The following LRRC4C variants were observed in gnomAD, a reference collection of about 807,000 sequenced individuals.
LRRC4C encodes the protein leucine rich repeat containing 4C, also known as leucine-rich repeat-containing protein 4C.
LRRC4C carries 5 observed loss-of-function variants against 33.6 expected under a neutral mutation model. The ratio of observed to expected loss-of-function variants is 0.15; its 90% confidence interval spans 0.08 to 0.31. The LOEUF (loss-of-function observed/expected upper bound fraction) is 0.31, where lower values mean the gene tolerates loss of function less well. Ranked by LOEUF, LRRC4C falls within the 10% of genes least tolerant of loss-of-function variation. The pLI is 1.00. For missense variants in LRRC4C, 560 were observed against 796.7 expected (o/e 0.70, Z 3.58); for synonymous variants, 329 against 302.0 (o/e 1.09, Z -0.93).
intron 1 of LRRC4C, among the ~76,000 whole-genome samples, chr11:41,216,882 A>G (rs1291067754): frequency 6.6e-6 from 1 of 152,248 alleles, no homozygotes; most frequent in Non-Finnish European, 1.5e-5. Context: ...ATACCTATCT[A>G]TGTTTTTAAT....
At chr11:40,729,449 T>C (rs1947453090) in intron 2 of LRRC4C, among the ~76,000 whole-genome samples, 1 of 152,166 alleles carries the variant, frequency 6.6e-6, no homozygotes, top group South Asian at 2.1e-4. Flanking sequence ...TTTTGACTCC[T>C]TTTCTGGCCT....
chr11:40,463,391 T>C (rs1277496982), intron 3 of LRRC4C, among the ~76,000 whole-genome samples: 1 of 151,582 alleles, frequency 6.6e-6, no homozygotes, highest in Non-Finnish European at 1.5e-5. Context: ...AGCACATGGA[T>C]CTTAGGAAAA....
At chr11:41,264,245 C>T (rs539959112) in intron 1 of LRRC4C, among the ~76,000 whole-genome samples, 2 of 152,124 alleles carry the variant, frequency 1.3e-5, no homozygotes, top group Admixed American at 6.6e-5. Flanking sequence ...GTGCACACCA[C>T]CACGTCCAGC....
intron 1 of LRRC4C, among the ~76,000 whole-genome samples, chr11:41,085,928 CA>C (rs10717008): frequency 0.38 from 30,860 of 81,004 alleles, 2,574 homozygotes; most frequent in Non-Finnish European, 0.4. Context: ...TTTAAGACAC[CA>C]AAAAAAAAAA....
At chr11:41,271,326 T>C (rs1215704668) in intron 1 of LRRC4C, among the ~76,000 whole-genome samples, 2 of 152,130 alleles carry the variant, frequency 1.3e-5, no homozygotes. Flanking sequence ...CCACAAGTCC[T>C]GTCCTGTGGG....
At chr11:40,261,260 G>T (rs113761970) in intron 4 of LRRC4C, among the ~76,000 whole-genome samples, 2 of 152,048 alleles carry the variant, frequency 1.3e-5, no homozygotes, top group Non-Finnish European at 2.9e-5. Flanking sequence ...AACAAAAGTC[G>T]TTGATTTGAA....
chr11:41,211,983 C>G (rs949548646), intron 1 of LRRC4C, among the ~76,000 whole-genome samples: 3 of 152,196 alleles, frequency 2.0e-5, no homozygotes, highest in Admixed American at 6.5e-5. Context: ...CACATCCTCT[C>G]CAGCACCTGT....
chr11:40,491,710 A>G (rs1954166326), intron 3 of LRRC4C, among the ~76,000 whole-genome samples: 1 of 152,164 alleles, frequency 6.6e-6, no homozygotes, highest in African/African-American at 2.4e-5. Context: ...GTTCTGCTAG[A>G]ACGTGCTTCC....
At chr11:41,049,869 T>C (rs189722955) in intron 1 of LRRC4C, among the ~76,000 whole-genome samples, 382 of 152,322 alleles carry the variant, frequency 2.5e-3, no homozygotes, top group African/African-American at 7.9e-3. Flanking sequence ...AGAGACTTTG[T>C]CTTGCTAGTC....
intron 1 of LRRC4C, among the ~76,000 whole-genome samples, chr11:41,408,388 A>G (rs7103813): frequency 0.078 from 11,859 of 152,174 alleles, 1,517 homozygotes; most frequent in African/African-American, 0.27. Context: ...TCATCCATTG[A>G]TTCACTTGTC....
chr11:40,980,648 G>A (rs1246435753), intron 1 of LRRC4C, among the ~76,000 whole-genome samples: 1 of 152,170 alleles, frequency 6.6e-6, no homozygotes, highest in Non-Finnish European at 1.5e-5. Flanking sequence ...AATACTTGCG[G>A]GTTATGGTTA....
At chr11:40,519,094 G>T (rs748385915) in intron 3 of LRRC4C, among the ~76,000 whole-genome samples, 8 of 152,138 alleles carry the variant, frequency 5.3e-5, no homozygotes, top group Non-Finnish European at 7.3e-5. Context: ...CTGTTGGGGA[G>T]TGGGGAGCTA....
chr11:40,138,590 G>A (rs116123801), intron 6 of LRRC4C, among the ~76,000 whole-genome samples: 4,649 of 152,274 alleles, frequency 0.031, 188 homozygotes, highest in East Asian at 0.093. Context: ...ACTCTGTGGT[G>A]GGGCCTGAAC....
intron 1 of LRRC4C, among the ~76,000 whole-genome samples, chr11:41,095,542 T>C (rs908812180): frequency 2.0e-5 from 3 of 152,200 alleles, no homozygotes; most frequent in Admixed American, 6.5e-5. Flanking sequence ...GAACCCATGG[T>C]TCAGTGCACT....
Position 40,481,576 on chromosome 11 carries a change from C to CT in LRRC4C, c.-269-161856dup, listed in dbSNP as rs1046313705. Among the ~76,000 whole-genome samples the CT allele has an allele frequency of 4.5e-4, 69 of 151,938 alleles. 1 individual carries two copies. The highest frequency in any genetic ancestry group is 1.4e-3 in the African/African-American group (59 of 41,432). ...TGCTCAAAAAAGACCAGGAAGTAAA[C>CT]TTTTTTTTCAATTTTTGTTGAATAT... On this transcript the variant is annotated intron_variant, in intron 3 of 6. Coordinates refer to ENST00000528697, the MANE Select transcript of LRRC4C (RefSeq NM_001258419.2).
At chr11:40,498,039 T>C (rs1022342258) in intron 3 of LRRC4C, among the ~76,000 whole-genome samples, 1 of 152,242 alleles carries the variant, frequency 6.6e-6, no homozygotes, top group South Asian at 2.1e-4. Context: ...ACAAAAAATA[T>C]TACATTTATC....
intron 5 of LRRC4C, among the ~76,000 whole-genome samples, chr11:40,158,868 T>C (rs1184504374): frequency 2.6e-5 from 4 of 152,152 alleles, no homozygotes; most frequent in Non-Finnish European, 5.9e-5. Context: ...AATTGTGGAT[T>C]AATAGTAGGA....
At chr11:41,020,035 A>G (rs1454029606) in intron 1 of LRRC4C, among the ~76,000 whole-genome samples, 1 of 152,062 alleles carries the variant, frequency 6.6e-6, no homozygotes, top group Non-Finnish European at 1.5e-5. Flanking sequence ...CCATTTGTCA[A>G]TTTTGGCTTT....
At chr11:41,330,928 T>C (rs939267671) in intron 1 of LRRC4C, among the ~76,000 whole-genome samples, 1 of 152,206 alleles carries the variant, frequency 6.6e-6, no homozygotes, top group Non-Finnish European at 1.5e-5. Context: ...TTATATGTCT[T>C]ATATGCTTAC....
Sources: allele counts gnomAD v4.1 joint callset (sites outside exome capture counted in the v4.1 genomes callset), GRCh38; gene constraint gnomAD v4.1.1; transcripts MANE v1.5; gene names NCBI Gene and HGNC (gene_info 2026-07-23, HGNC 2026-07-21).